Variants in PTPRD observed in about 807,000 individuals in gnomAD.
The protein encoded by PTPRD is protein tyrosine phosphatase receptor type D, also known as receptor-type tyrosine-protein phosphatase delta.
In PTPRD, 34 loss-of-function variants were observed where a neutral mutation model predicts 214.5. The observed-to-expected ratio is 0.16, with a 90% CI of 0.12 to 0.21. PTPRD has a LOEUF of 0.21. Ranked by LOEUF, PTPRD falls within the 10% of genes least tolerant of loss-of-function variation. The pLI, the probability that PTPRD is intolerant of heterozygous loss-of-function variation, is 1.00. For synonymous variants in PTPRD, 1,128 were observed against 845.7 expected, an observed-to-expected ratio of 1.33 and a Z score of -5.79; for missense variants, 2,545 against 2,398.7, an observed-to-expected ratio of 1.06 and a Z score of -1.27.
intron 4 of PTPRD, among the ~76,000 whole-genome samples, chr9:10,006,177 C>A (rs899526900): frequency 2.6e-5 from 4 of 151,806 alleles, no homozygotes; most frequent in Admixed American, 6.6e-5. Flanking sequence ...AAGAGTAAAA[C>A]CTGGAAAAAT....
intron 2 of PTPRD, among the ~76,000 whole-genome samples, chr9:10,520,686 C>T (rs1338618349): frequency 6.6e-6 from 1 of 152,084 alleles, no homozygotes; most frequent in African/African-American, 2.4e-5. Context: ...TTGCTAGGAG[C>T]TAATGCAGCT....
chr9:9,517,680 G>C (rs2096870824), intron 8 of PTPRD, among the ~76,000 whole-genome samples: 1 of 151,950 alleles, frequency 6.6e-6, no homozygotes, highest in African/African-American at 2.4e-5. Context: ...TAAAAAGCAA[G>C]GGGTCATTGA....
At chr9:8,605,818 A>C (rs2095174452) in intron 14 of PTPRD, among the ~76,000 whole-genome samples, 1 of 152,144 alleles carries the variant, frequency 6.6e-6, no homozygotes, top group Non-Finnish European at 1.5e-5. Context: ...CAACATAAGC[A>C]TACTCTACTT....
At chr9:9,124,436 C>T (rs757333524) in intron 10 of PTPRD, among the ~76,000 whole-genome samples, 2 of 152,024 alleles carry the variant, frequency 1.3e-5, no homozygotes, top group Non-Finnish European at 2.9e-5. Flanking sequence ...TTTACTGATG[C>T]ATTTCTAATA....
At chr9:9,349,567 T>C (rs9407419) in intron 9 of PTPRD, among the ~76,000 whole-genome samples, 8,577 of 148,456 alleles carry the variant, frequency 0.058, 817 homozygotes, top group African/African-American at 0.2. Context: ...AGACTGAAAA[T>C]TGGATTTTTT....
intron 7 of PTPRD, among the ~76,000 whole-genome samples, chr9:9,680,946 A>G (rs948927984): frequency 2.6e-5 from 4 of 151,776 alleles, no homozygotes; most frequent in Non-Finnish European, 4.4e-5. Flanking sequence ...ACAAGAATCA[A>G]TCTTCACGAA....
intron 7 of PTPRD, among the ~76,000 whole-genome samples, chr9:9,640,242 G>A (rs970367463): frequency 9.2e-5 from 14 of 151,992 alleles, no homozygotes; most frequent in African/African-American, 3.4e-4. Context: ...GGCCAATGAG[G>A]TGCAATGTGA....
intron 11 of PTPRD, among the ~76,000 whole-genome samples, chr9:8,812,449 A>G (rs1258586910): frequency 6.6e-6 from 1 of 152,238 alleles, no homozygotes; most frequent in African/African-American, 2.4e-5. Context: ...TGGTAAACTT[A>G]TATCCATCAA....
At chr9:9,622,313 G>T (rs750220243) in intron 7 of PTPRD, among the ~76,000 whole-genome samples, 1 of 152,080 alleles carries the variant, frequency 6.6e-6, no homozygotes, top group Non-Finnish European at 1.5e-5. Flanking sequence ...CATATACCAC[G>T]CAATCAAGTA....
intron 12 of PTPRD, among the ~76,000 whole-genome samples, chr9:8,707,956 C>T (rs1349510263): frequency 1.3e-5 from 2 of 152,126 alleles, no homozygotes; most frequent in Admixed American, 1.3e-4. Flanking sequence ...TTGCACTATG[C>T]TTTTAGGGGA....
intron 14 of PTPRD, among the ~76,000 whole-genome samples, chr9:8,593,673 C>T (rs1004413389): frequency 9.2e-5 from 14 of 152,202 alleles, no homozygotes; most frequent in African/African-American, 2.9e-4. Flanking sequence ...TAAAAGGTTT[C>T]GAGGCCATAT....
At position 8,816,329 on chromosome 9, in the gene PTPRD, T is replaced by C. The variant is rs192630537; in HGVS notation, c.-103-82383A>G. On this transcript the variant is annotated intron_variant, in intron 11 of 45. Transcript: ENST00000381196. ...GCGAGAGGCTCCTATTATCACTGTA[T>C]ACAGAAGAACAGAACTGCTTCAGCT... 1.4e-4 allele frequency among the ~76,000 whole-genome samples: 22 copies of C among 152,300 alleles called. No homozygotes were observed. In the East Asian group the frequency reaches 2.3e-3, roughly 16 times the overall value.
chr9:9,931,309 A>C (rs1029999747), intron 5 of PTPRD, among the ~76,000 whole-genome samples: 18 of 152,160 alleles, frequency 1.2e-4, no homozygotes, highest in African/African-American at 3.9e-4. Flanking sequence ...TTTCCATCTG[A>C]GGTACAGGGT....
chr9:10,276,423 C>T (rs888953320), intron 3 of PTPRD, among the ~76,000 whole-genome samples: 18 of 152,330 alleles, frequency 1.2e-4, no homozygotes, highest in African/African-American at 4.1e-4. Flanking sequence ...CAACTAATTT[C>T]AGCCATTTGA....
At chr9:8,517,300 C>G (rs549011915) in intron 21 of PTPRD, among the ~76,000 whole-genome samples, 1 of 152,298 alleles carries the variant, frequency 6.6e-6, no homozygotes, top group East Asian at 1.9e-4. Context: ...GCCCAATGTT[C>G]TATCTGAGAT....
chr9:10,393,272 A>T (rs1361056124), intron 2 of PTPRD, among the ~76,000 whole-genome samples: 1 of 151,534 alleles, frequency 6.6e-6, no homozygotes, highest in African/African-American at 2.4e-5. Context: ...AAAAAGTAAC[A>T]ATTGGTCTGC....
chr9:9,422,246 G>A (rs1457804465), intron 8 of PTPRD, among the ~76,000 whole-genome samples: 1 of 152,112 alleles, frequency 6.6e-6, no homozygotes, highest in South Asian at 2.1e-4. Flanking sequence ...AGGTTAAGTA[G>A]CTTGCTCCAG....
intron 39 of PTPRD, among the ~76,000 whole-genome samples, chr9:8,362,370 G>C (rs2133943734): frequency 6.6e-6 from 1 of 152,296 alleles, no homozygotes; most frequent in South Asian, 2.1e-4. Flanking sequence ...TAGTACCTCA[G>C]AGAAAATAGT....
At chr9:9,274,411 A>G (rs559401946) in intron 9 of PTPRD, among the ~76,000 whole-genome samples, 1 of 151,436 alleles carries the variant, frequency 6.6e-6, no homozygotes, top group African/African-American at 2.4e-5. Flanking sequence ...TAGATACTCA[A>G]CCAATTATTA....
Sources: allele counts gnomAD v4.1 joint callset (sites outside exome capture counted in the v4.1 genomes callset), GRCh38; gene constraint gnomAD v4.1.1; transcripts MANE v1.5; gene names NCBI Gene and HGNC (gene_info 2026-07-23, HGNC 2026-07-21).